The following UNC13A variants were observed in gnomAD, a reference collection of about 807,000 sequenced individuals.
UNC13A encodes the protein protein unc-13 homolog A.
Under a neutral mutation model 219.7 loss-of-function variants are expected in UNC13A, and 61 were observed. The ratio of observed to expected loss-of-function variants is 0.28; its 90% confidence interval spans 0.23 to 0.34. The LOEUF is 0.34. Ranked by LOEUF, UNC13A falls within the 10% of genes least tolerant of loss-of-function variation. UNC13A has a pLI of 1.00. For synonymous variants in UNC13A, 920 were observed against 884.6 expected (o/e 1.04, Z -0.71); for missense variants, 1,476 against 2,270.3 (o/e 0.65, Z 7.11).
At chr19:17,671,560 C>T (rs866249299) in intron 4 of UNC13A, among the ~76,000 whole-genome samples, 5 of 151,850 alleles carry the variant, frequency 3.3e-5, no homozygotes, top group South Asian at 2.1e-4. Context: ...TGCTTGAGCC[C>T]AGGAGTTCGA....
Position 17,678,746 on chromosome 19 carries a change from G to A in UNC13A, c.23-2705C>T, listed in dbSNP as rs866815993. On this transcript the variant is annotated intron_variant, in intron 1 of 43. Transcript: ENST00000519716. ...CCTGGAGGAGGTCCAGCCTGCAGGC[G>A]TGGGGACTCTCTGTGAAGGGGGTGG... Among the ~76,000 whole-genome samples the A allele has an allele frequency of 5.3e-5, 8 of 152,026 alleles. No individual in the cohort carries two copies. The East Asian group carries it at 9.7e-4, about 18-fold the overall frequency.
At position 17,645,726 on chromosome 19, in the gene UNC13A, C is replaced by T. The variant is rs775850367; in HGVS notation, c.2304G>A (p.Thr768=). Residue 768 remains threonine, a synonymous_variant, in exon 19 of 44, where the codon ACG becomes ACA. Transcript: ENST00000519716. ...KRESDDFLGQ[T]IIEVRTLSGE... ...CGCTGAGCGTCCGCACCTCAATGATCGTCTGCCCCAGGAAATCGTCAGATT... is the reference window on the plus strand; with the variant it reads ...CGCTGAGCGTCCGCACCTCAATGATTGTCTGCCCCAGGAAATCGTCAGATT... The T allele has an allele frequency of 1.9e-5, 31 of 1,614,120 alleles. No individual in the cohort carries two copies. Among genetic ancestry groups the T allele is most frequent in the Non-Finnish European group, 2.5e-5 (30 of 1,180,060 alleles).
chr19:17,623,858 G>A (rs2076755483), intron 35 of UNC13A, among the ~76,000 whole-genome samples: 1 of 152,078 alleles, frequency 6.6e-6, no homozygotes, highest in Admixed American at 6.5e-5. Flanking sequence ...AGGGACCCAC[G>A]CCCAGCTACA....
intron 4 of UNC13A, among the ~76,000 whole-genome samples, chr19:17,672,114 C>T (rs73924307): frequency 0.035 from 5,376 of 152,190 alleles, 321 homozygotes; most frequent in African/African-American, 0.12. Flanking sequence ...CCACCAGCAC[C>T]TTTCGGTGGT....
intron 35 of UNC13A, 27 bp from the exon 36 acceptor site, chr19:17,623,574 G>A: frequency 8.2e-7 from 1 of 1,220,336 alleles, no homozygotes; most frequent in East Asian, 2.9e-5. Flanking sequence ...GGGCGGGGCG[G>A]TGGGGGAGGG....
intron 25 of UNC13A, among the ~76,000 whole-genome samples, chr19:17,638,559 G>A (rs1284396136): frequency 6.6e-6 from 1 of 152,170 alleles, no homozygotes; most frequent in Non-Finnish European, 1.5e-5. Flanking sequence ...GGGAGTGGTG[G>A]CTCACGCCTA....
chr19:17,618,942 A>G lies in UNC13A; in HGVS notation c.4293T>C (p.Asn1431=), dbSNP rs377686256. The part of the protein sequence containing the change: ...SHSDGTQMIF[N]AAKELGQLSK... ...ACAGCTGACCCAGCTCCTTGGCTGCATTGAAGATCATCTGGGTTCCCTGCA... is the reference window on the plus strand; with the variant it reads ...ACAGCTGACCCAGCTCCTTGGCTGCGTTGAAGATCATCTGGGTTCCCTGCA... Residue 1431 remains asparagine, a synonymous_variant, in exon 39 of 44, where the codon AAT becomes AAC. Coordinates refer to ENST00000519716, the MANE Select transcript of UNC13A (RefSeq NM_001080421.3). 1.0e-4 allele frequency: 163 copies of G among 1,613,858 alleles called. No homozygotes were observed. The highest frequency in any genetic ancestry group is 1.4e-4 in the Non-Finnish European group (162 of 1,179,872).
chr19:17,657,798 G>A (rs1196172950), intron 9 of UNC13A, among the ~76,000 whole-genome samples: 2 of 151,846 alleles, frequency 1.3e-5, no homozygotes, highest in Non-Finnish European at 2.9e-5. Context: ...GAGTCTGGGT[G>A]GTGGAGGTTG....
chr19:17,647,968 AG>A, intron 16 of UNC13A, among the ~76,000 whole-genome samples: 1 of 124,298 alleles, frequency 8.0e-6, no homozygotes, highest in Non-Finnish European at 1.7e-5. Flanking sequence ...TCCATCTCTC[AG>A]ACCCCTCCCT....
chr19:17,657,971 C>G (rs1265626602), intron 9 of UNC13A, 91 bp downstream of exon 9: 5 of 1,361,388 alleles, frequency 3.7e-6, no homozygotes, highest in Non-Finnish European at 5.1e-6. Flanking sequence ...TTCTGGAACT[C>G]CACCTCCAGC....
chr19:17,619,869 T>C (rs2076709517), intron 38 of UNC13A, among the ~76,000 whole-genome samples: 2 of 152,222 alleles, frequency 1.3e-5, no homozygotes, highest in African/African-American at 4.8e-5. Flanking sequence ...TGGGTTCAAA[T>C]TGCAGTCCTG....
chr19:17,629,306 G>A lies in UNC13A; in HGVS notation c.3687C>T (p.Leu1229=), dbSNP rs61753902. The change falls in exon 31 of 44, where the codon CTC becomes CTT. Residue 1229 remains leucine (L), a synonymous_variant. Transcript: ENST00000519716. The part of the protein sequence containing the change: ...RRFAKTISNV[L]LQYADIISKD... ...TGGAGATGATGTCTGCATACTGGAG[G>A]AGCACATTACTGATGGTCTGGGGAA... 0.049 allele frequency: 78,697 copies of A among 1,611,162 alleles called. 2,159 individuals carry two copies. The highest frequency in any genetic ancestry group is 0.056 in the Non-Finnish European group (65,897 of 1,178,588).
chr19:17,630,882 G>A (rs2076836020), intron 28 of UNC13A, 132 bp from the exon 29 acceptor site: 2 of 740,254 alleles, frequency 2.7e-6, no homozygotes, highest in African/African-American at 3.5e-5. Flanking sequence ...CTGCAGCCTT[G>A]AGTGGCTGCT....
At chr19:17,608,334 CTA>C (rs982244956) in intron 43 of UNC13A, among the ~76,000 whole-genome samples, 26 of 121,472 alleles carry the variant, frequency 2.1e-4, no homozygotes, top group Admixed American at 1.1e-3. Flanking sequence ...ATAATATATA[CTA>C]TATATAATTT....
At position 17,647,281 on chromosome 19, in the gene UNC13A, G is replaced by C; in HGVS notation, c.2028C>G (p.Ala676=). 1 of 1,586,724 alleles carries C rather than the reference G, an allele frequency of 6.3e-7. No individual in the cohort carries two copies. Among genetic ancestry groups the C allele is most frequent in the Non-Finnish European group, 8.6e-7 (1 of 1,166,996 alleles). ...CCCCCTCACCGGTGATGCTGATCTT[G>C]GCGGACCACTTGGACGTGCCGTCCA... ...SVLDGTSKWS[A]KISITVVCAQ... Residue 676 remains alanine (A), a synonymous_variant, in exon 17 of 44, where the codon GCC becomes GCG. Coordinates refer to ENST00000519716, the MANE Select transcript of UNC13A (RefSeq NM_001080421.3).
intron 41 of UNC13A, among the ~76,000 whole-genome samples, chr19:17,616,659 A>G (rs1337832852): frequency 1.3e-5 from 2 of 152,122 alleles, no homozygotes; most frequent in Admixed American, 1.3e-4. Context: ...AGAGACAGAC[A>G]GCCTCCTGCT....
intron 11 of UNC13A, among the ~76,000 whole-genome samples, 183 bp downstream of exon 11, chr19:17,655,091 C>T (rs1206838952): frequency 2.6e-5 from 4 of 152,176 alleles, no homozygotes; most frequent in South Asian, 2.1e-4. Context: ...GGGAAGGGCT[C>T]GAGTGGCTGG....
chr19:17,639,996 T>C, intron 22 of UNC13A, 88 bp from the exon 23 acceptor site: 2 of 1,254,856 alleles, frequency 1.6e-6, no homozygotes, highest in Non-Finnish European at 2.3e-6. Flanking sequence ...TAAGTATACC[T>C]CATCCACCAC....
chr19:17,648,127 T>C (rs1343448547), intron 16 of UNC13A, among the ~76,000 whole-genome samples: 2 of 147,608 alleles, frequency 1.4e-5, no homozygotes, highest in Non-Finnish European at 3.0e-5. Context: ...GGGAGCTGCC[T>C]CTTCTCACTA....
Sources: allele counts gnomAD v4.1 joint callset (sites outside exome capture counted in the v4.1 genomes callset), GRCh38; gene constraint gnomAD v4.1.1; transcripts MANE v1.5; gene names NCBI Gene and HGNC (gene_info 2026-07-23, HGNC 2026-07-21).